The following ADGRB3 variants were observed in gnomAD, a reference collection of about 807,000 sequenced individuals.
ADGRB3 encodes brain-specific angiogenesis inhibitor 3.
In ADGRB3, 37 loss-of-function variants were observed where a neutral mutation model predicts 193.4. The ratio of observed to expected loss-of-function variants is 0.19; its 90% CI spans 0.15 to 0.25. The LOEUF (loss-of-function observed/expected upper bound fraction) is 0.25. Ranked by LOEUF, ADGRB3 falls within the 10% of genes least tolerant of loss-of-function variation. The probability of loss-of-function intolerance (pLI) is 1.00; values close to 1 mark genes in which losing one functional copy is unlikely to be tolerated. For synonymous variants in ADGRB3, 690 were observed against 644.2 expected, an observed-to-expected ratio of 1.07 and a Z score of -1.08; for missense variants, 1,637 against 1,852.9, an observed-to-expected ratio of 0.88 and a Z score of 2.14.
chr6:69,154,708 T>C (rs1206748628), intron 17 of ADGRB3, among the ~76,000 whole-genome samples: 6 of 152,136 alleles, frequency 3.9e-5, no homozygotes. Context: ...ATGGTCAAGA[T>C]TTTCCCCTTC....
At chr6:68,973,038 G>A (rs900936359) in intron 8 of ADGRB3, among the ~76,000 whole-genome samples, 6 of 152,152 alleles carry the variant, frequency 3.9e-5, no homozygotes, top group African/African-American at 1.4e-4. Context: ...ACCAAGCAAA[G>A]AGGACACAAA....
rs548917001 is a variant in ADGRB3, at chr6:69,048,321, G to A, written c.2244G>A (p.Pro748=). 47 of 1,612,738 alleles carry A rather than the reference G, an allele frequency of 2.9e-5. No homozygotes were observed. The East Asian group carries it at 4.7e-4, about 16-fold the overall frequency. ...TAATTCCAAAAAGCATTTTCACTCCGGTGTCATCAAAAGGTAAATATCTGA... is the reference window on the plus strand; with the variant it reads ...TAATTCCAAAAAGCATTTTCACTCCAGTGTCATCAAAAGGTAAATATCTGA... ...RVVIPKSIFT[P]VSSKELDESS... Residue 748 remains proline (P), a synonymous_variant, in exon 14 of 32, where the codon CCG becomes CCA. Coordinates refer to ENST00000370598, the MANE Select transcript of ADGRB3 (RefSeq NM_001704.3).
intron 17 of ADGRB3, among the ~76,000 whole-genome samples, chr6:69,184,832 A>G (rs1208707063): frequency 6.6e-6 from 1 of 152,138 alleles, no homozygotes; most frequent in African/African-American, 2.4e-5. Flanking sequence ...TTAGTGGAAA[A>G]TAATGTGCCA....
At position 68,761,398 on chromosome 6, in the gene ADGRB3, G is replaced by A. The variant is rs139620836; in HGVS notation, c.757+121966G>A. Among the ~76,000 whole-genome samples the A allele has an allele frequency of 6.6e-4, 96 of 145,196 alleles. 2 individuals are homozygous for A. Among genetic ancestry groups the A allele is most frequent in the African/African-American group, 2.1e-3 (80 of 37,790 alleles). ...TAACTCCTTGCAGGCAGTCTCAGGCGTGACTAGTTAATTCCATGGTGCTAC... is the reference window on the plus strand; with the variant it reads ...TAACTCCTTGCAGGCAGTCTCAGGCATGACTAGTTAATTCCATGGTGCTAC... On this transcript the variant is annotated intron_variant, in intron 3 of 31. Transcript: ENST00000370598.
intron 3 of ADGRB3, among the ~76,000 whole-genome samples, chr6:68,656,132 A>G (rs1241981473): frequency 6.6e-6 from 1 of 151,650 alleles, no homozygotes; most frequent in East Asian, 1.9e-4. Flanking sequence ...CTTAGGCTTA[A>G]TGTAGGAAAC....
chr6:69,230,777 T>TTC (rs1766117742), intron 17 of ADGRB3, among the ~76,000 whole-genome samples: 1 of 152,248 alleles, frequency 6.6e-6, no homozygotes, highest in Admixed American at 6.5e-5. Flanking sequence ...TCTCAAGGTT[T>TTC]TCTCTCCTAC....
At position 68,717,486 on chromosome 6, in the gene ADGRB3, T is replaced by C. The variant is rs374089399; in HGVS notation, c.757+78054T>C. Among the ~76,000 whole-genome samples the C allele has an allele frequency of 7.9e-5, 12 of 151,802 alleles. No homozygotes were observed. In the East Asian group the frequency reaches 9.7e-4, roughly 12 times the overall value. ...TTTATAGAAAGTCTTCCTAAATGGG[T>C]AAAATAAACATGAGATTTTGTGTAG... On this transcript the variant is annotated intron_variant, in intron 3 of 31. Coordinates refer to ENST00000370598, the MANE Select transcript of ADGRB3 (RefSeq NM_001704.3).
chr6:69,383,789 C>A lies in ADGRB3; in HGVS notation c.4380+854C>A, dbSNP rs1770003560. On this transcript the variant is annotated intron_variant, in intron 31 of 31. Transcript: ENST00000370598. ...TATAGGCTAGGAAGCTGAGGCTCAG[C>A]TATAAGACATAGAGCTGGGACTGCC... Among the ~76,000 whole-genome samples, 2 of 152,170 alleles carry A rather than the reference C, an allele frequency of 1.3e-5. 1 individual carries two copies. The highest frequency in any genetic ancestry group is 4.1e-4 in the South Asian group (2 of 4,826).
At chr6:68,831,224 A>G (rs1229072509) in intron 3 of ADGRB3, among the ~76,000 whole-genome samples, 1 of 151,546 alleles carries the variant, frequency 6.6e-6, no homozygotes, top group East Asian at 1.9e-4. Flanking sequence ...AGTACAAAAG[A>G]CAGAAAAGAA....
At chr6:69,265,361 A>G (rs1238412761) in intron 20 of ADGRB3, among the ~76,000 whole-genome samples, 1 of 151,866 alleles carries the variant, frequency 6.6e-6, no homozygotes, top group African/African-American at 2.4e-5. Context: ...ACATAGCACC[A>G]TCCCACCCCT....
At chr6:68,826,400 G>A (rs1207644024) in intron 3 of ADGRB3, among the ~76,000 whole-genome samples, 1 of 152,140 alleles carries the variant, frequency 6.6e-6, no homozygotes, top group Non-Finnish European at 1.5e-5. Context: ...TGAAGTGTTA[G>A]GGTATAGATA....
chr6:68,996,569 G>A (rs1015108494), intron 11 of ADGRB3, among the ~76,000 whole-genome samples: 4 of 152,096 alleles, frequency 2.6e-5, no homozygotes, highest in Non-Finnish European at 5.9e-5. Flanking sequence ...CCAGCCACTT[G>A]AGGTAAATGA....
intron 17 of ADGRB3, among the ~76,000 whole-genome samples, chr6:69,187,522 T>C (rs771139875): frequency 2.6e-5 from 4 of 152,218 alleles, no homozygotes; most frequent in Non-Finnish European, 5.9e-5. Context: ...TTCTGTGATA[T>C]TTAAATTCAG....
At chr6:69,264,747 C>A (rs1420480126) in intron 20 of ADGRB3, among the ~76,000 whole-genome samples, 4 of 151,764 alleles carry the variant, frequency 2.6e-5, no homozygotes, top group Non-Finnish European at 5.9e-5. Context: ...AATGAGAGTT[C>A]TTTTCAACAT....
At chr6:69,259,697 A>G (rs1299613204) in intron 20 of ADGRB3, among the ~76,000 whole-genome samples, 1 of 109,562 alleles carries the variant, frequency 9.1e-6, no homozygotes, top group Non-Finnish European at 2.0e-5. Flanking sequence ...CTCTGTCTCA[A>G]AAAAAAAAAA....
At chr6:68,925,666 G>A (rs1346147904) in intron 3 of ADGRB3, among the ~76,000 whole-genome samples, 4 of 151,964 alleles carry the variant, frequency 2.6e-5, no homozygotes, top group Non-Finnish European at 5.9e-5. Context: ...AGACAAATTA[G>A]CAAGTCATTG....
chr6:69,339,360 G>A lies in ADGRB3; in HGVS notation c.3315G>A (p.Val1105=). ...CGTCTCTTTGGAGCTCCTGTGTGGT[G>A]TTGCCCCTTCTGGCTTTGACGTGGA... ...AMASLWSSCV[V]LPLLALTWMS... Residue 1105 remains valine (V), a synonymous_variant, in exon 26 of 32, where the codon GTG becomes GTA. Transcript: ENST00000370598. The A allele has an allele frequency of 6.2e-7, 1 of 1,613,978 alleles. No homozygotes were observed. Among genetic ancestry groups the A allele is most frequent in the South Asian group, 1.1e-5 (1 of 91,076 alleles).
intron 17 of ADGRB3, among the ~76,000 whole-genome samples, chr6:69,184,739 A>G (rs759544471): frequency 1.1e-4 from 17 of 152,094 alleles, no homozygotes; most frequent in Non-Finnish European, 2.1e-4. Flanking sequence ...AAAACCTCCT[A>G]AGGGAAAGGA....
Position 69,389,028 on chromosome 6 carries a change from T to G in ADGRB3, c.*137T>G. 1 of 848,954 alleles carries G rather than the reference T, an allele frequency of 1.2e-6. No individual in the cohort carries two copies. Among genetic ancestry groups the G allele is most frequent in the Non-Finnish European group, 1.8e-6 (1 of 565,462 alleles). 52.6% of individuals were successfully genotyped at this position (848,954 alleles called of 1,614,324 possible). A position where few individuals can be genotyped will look rare whatever the true frequency, so the allele number is the denominator to read the frequency against. ...CATGTGCCAAACGTCAGTGGTGTTT[T>G]CATATGGTAACTTCTCACTAGTCAG... On this transcript the variant is annotated 3_prime_UTR_variant, in exon 32 of 32. Coordinates refer to ENST00000370598, the MANE Select transcript of ADGRB3 (RefSeq NM_001704.3).
Sources: allele counts gnomAD v4.1 joint callset (sites outside exome capture counted in the v4.1 genomes callset), GRCh38; gene constraint gnomAD v4.1.1; transcripts MANE v1.5; gene names NCBI Gene and HGNC (gene_info 2026-07-23, HGNC 2026-07-21).